STPG2: variants seen among roughly 807,000 people sequenced by gnomAD.
STPG2 encodes the protein sperm-tail PG-rich repeat-containing protein 2.
A neutral mutation model predicts 54.2 loss-of-function variants in STPG2; 56 were observed. The observed-to-expected ratio is 1.03, with a 90% confidence interval of 0.83 to 1.29. STPG2 has a LOEUF of 1.29. Among genes scored for constraint, STPG2 ranks in the 50% most tolerant of loss-of-function variants. STPG2 has a pLI of 0.00. For synonymous variants in STPG2, 200 were observed against 181.8 expected, an observed-to-expected ratio of 1.10 and a Z score of -0.81; for missense variants, 596 against 544.9, an observed-to-expected ratio of 1.09 and a Z score of -0.93.
chr4:98,121,303 T>C (rs1739672726), intron 3 of STPG2, among the ~76,000 whole-genome samples: 1 of 152,238 alleles, frequency 6.6e-6, no homozygotes, highest in Non-Finnish European at 1.5e-5. Context: ...CCTTGTAATA[T>C]AGGTTGAAGT....
chr4:97,732,579 C>T (rs535800255), intron 9 of STPG2, among the ~76,000 whole-genome samples: 2 of 152,116 alleles, frequency 1.3e-5, no homozygotes, highest in East Asian at 1.9e-4. Flanking sequence ...AGCAGGACCT[C>T]GTTAAAAGCT....
chr4:98,120,707 T>A (rs1388967459), intron 3 of STPG2, among the ~76,000 whole-genome samples: 1 of 152,236 alleles, frequency 6.6e-6, no homozygotes, highest in Admixed American at 6.5e-5. Flanking sequence ...ACAAATATCT[T>A]CTTTTGAGGA....
At chr4:97,896,573 A>G (rs1730962755) in intron 8 of STPG2, among the ~76,000 whole-genome samples, 1 of 151,786 alleles carries the variant, frequency 6.6e-6, no homozygotes, top group African/African-American at 2.4e-5. Context: ...TTCTTAAGTT[A>G]TAATGGATGG....
At chr4:97,711,376 T>A (rs766699737) in intron 10 of STPG2, among the ~76,000 whole-genome samples, 5 of 152,134 alleles carry the variant, frequency 3.3e-5, no homozygotes, top group African/African-American at 4.8e-5. Context: ...AGTTCCCCAC[T>A]TACAAGACTT....
intron 9 of STPG2, among the ~76,000 whole-genome samples, chr4:97,799,951 C>T (rs867548522): frequency 1.3e-5 from 2 of 152,150 alleles, no homozygotes; most frequent in East Asian, 1.9e-4. Context: ...ATCACTGATA[C>T]CCTTCCTTCC....
chr4:98,068,746 T>C (rs1224266124), intron 5 of STPG2, among the ~76,000 whole-genome samples: 2 of 152,018 alleles, frequency 1.3e-5, no homozygotes, highest in East Asian at 1.9e-4. Flanking sequence ...GCAAACATCA[T>C]AGAGTGTACT....
At chr4:98,014,210 C>T (rs752794187) in intron 5 of STPG2, among the ~76,000 whole-genome samples, 5 of 152,130 alleles carry the variant, frequency 3.3e-5, no homozygotes, top group Admixed American at 6.5e-5. Context: ...TTGATTTCTG[C>T]CTTAACTTCA....
chr4:98,018,909 T>A (rs1306196004), intron 5 of STPG2, among the ~76,000 whole-genome samples: 1 of 152,022 alleles, frequency 6.6e-6, no homozygotes, highest in African/African-American at 2.4e-5. Flanking sequence ...TTGTAGATTC[T>A]GCATATTAGC....
chr4:97,887,411 C>T (rs992408102), intron 8 of STPG2, among the ~76,000 whole-genome samples: 22 of 152,224 alleles, frequency 1.4e-4, no homozygotes, highest in African/African-American at 3.6e-4. Context: ...CAATCACTTT[C>T]GTTATGCCTT....
At chr4:97,512,744 C>T (rs1560638992) in intron 4 of STPG2, among the ~76,000 whole-genome samples, 1 of 152,030 alleles carries the variant, frequency 6.6e-6, no homozygotes, top group African/African-American at 2.4e-5. Context: ...TTAGCGTACA[C>T]CAGACAGTAA....
intron 10 of STPG2, among the ~76,000 whole-genome samples, chr4:97,632,556 T>C (rs1161045584): frequency 2.0e-5 from 3 of 152,160 alleles, no homozygotes; most frequent in Non-Finnish European, 4.4e-5. Flanking sequence ...CTCTGAAATG[T>C]AATGTACATA....
intron 9 of STPG2, among the ~76,000 whole-genome samples, chr4:97,786,132 A>G (rs2149076382): frequency 6.6e-6 from 1 of 152,096 alleles, no homozygotes; most frequent in East Asian, 1.9e-4. Context: ...CCACCCCAAA[A>G]AAGTTTCCTT....
At chr4:97,588,797 T>C (rs1252395761) in intron 10 of STPG2, among the ~76,000 whole-genome samples, 1 of 152,004 alleles carries the variant, frequency 6.6e-6, no homozygotes, top group East Asian at 1.9e-4. Flanking sequence ...AAAACAAAAA[T>C]AACAAAAATA....
At chr4:97,589,667 A>G (rs1733088066) in intron 10 of STPG2, among the ~76,000 whole-genome samples, 2 of 152,194 alleles carry the variant, frequency 1.3e-5, no homozygotes, top group Non-Finnish European at 2.9e-5. Context: ...CACCATAGGC[A>G]ATATACAGTA....
intron 9 of STPG2, among the ~76,000 whole-genome samples, chr4:97,815,566 G>C (rs978899348): frequency 6.6e-6 from 1 of 152,054 alleles, no homozygotes; most frequent in African/African-American, 2.4e-5. Context: ...TGTAACATAA[G>C]ATGTAATGAC....
chr4:98,109,849 T>C (rs924759939), intron 3 of STPG2, among the ~76,000 whole-genome samples: 1 of 152,168 alleles, frequency 6.6e-6, no homozygotes. Flanking sequence ...AGTCTTTTAA[T>C]GACAGAGAAA....
In STPG2 at chr4:97,473,414, C is replaced by T. The variant is rs371403820; in HGVS notation, c.462+239285G>A. Reference sequence around the variant, plus strand: ...TGTGGCCGTCTTCTATGGTCGAAACCGTAGGGATGAAATCAGCCCCAGTCT... The same window carrying T: ...TGTGGCCGTCTTCTATGGTCGAAACTGTAGGGATGAAATCAGCCCCAGTCT... On this transcript the variant is annotated intron_variant, in intron 4 of 4. Coordinates refer to the STPG2 transcript ENST00000522676. Among the ~76,000 whole-genome samples the T allele has an allele frequency of 1.2e-4, 18 of 152,220 alleles. No individual in the cohort carries two copies. In the East Asian group the frequency reaches 2.5e-3, roughly 21 times the overall value.
chr4:98,135,978 G>C (rs1488928779), intron 1 of STPG2, among the ~76,000 whole-genome samples: 1 of 151,296 alleles, frequency 6.6e-6, no homozygotes, highest in Non-Finnish European at 1.5e-5. Context: ...TCAAGACTCA[G>C]GAAAATATGA....
chr4:97,577,540 T>C (rs1732753327), intron 10 of STPG2, among the ~76,000 whole-genome samples: 1 of 152,048 alleles, frequency 6.6e-6, no homozygotes, highest in South Asian at 2.1e-4. Context: ...TGGGTACACA[T>C]GGACTTAAAC....
Sources: allele counts gnomAD v4.1 joint callset (sites outside exome capture counted in the v4.1 genomes callset), GRCh38; gene constraint gnomAD v4.1.1; transcripts MANE v1.5; gene names NCBI Gene and HGNC (gene_info 2026-07-23, HGNC 2026-07-21).